Variants in PCDH11Y observed in about 807,000 individuals in gnomAD.
The protein encoded by PCDH11Y is protocadherin-11 Y-linked.
For missense variants in PCDH11Y, 12 were observed against 224.8 expected (o/e 0.05, Z 6.05); for synonymous variants, 9 against 83.6 (o/e 0.11, Z 4.87).
intron 2 of PCDH11Y, among the ~76,000 whole-genome samples, chrY:5,343,365 T>C: frequency 2.1e-4 from 6 of 29,266 alleles, no homozygotes; most frequent in Admixed American, 6.4e-4. Context: ...GCCATTCTCC[T>C]GCCTCAGCCT....
intron 3 of PCDH11Y, among the ~76,000 whole-genome samples, chrY:5,525,739 T>G: frequency 3.1e-5 from 1 of 31,984 alleles, no homozygotes; most frequent in Non-Finnish European, 7.6e-5. Context: ...ATGGTATAAT[T>G]TATCTTTTTT....
chrY:5,528,429 G>A (rs2053390005), intron 3 of PCDH11Y, among the ~76,000 whole-genome samples: 4 of 33,227 alleles, frequency 1.2e-4, no homozygotes, highest in African/African-American at 4.7e-4. Flanking sequence ...AGGAGAAACA[G>A]TTAACTTCCT....
In PCDH11Y at chrY:5,469,190, C is replaced by T. The variant is rs200510226; in HGVS notation, c.3130-31867C>T. 0.018 allele frequency among the ~76,000 whole-genome samples: 529 copies of T among 30,083 alleles called. No homozygotes were observed. The East Asian group carries it at 0.46, about 26-fold the overall frequency. The allele number at this position is 30,083 out of a possible 37,273, so 80.7% of individuals were successfully genotyped here. ...CTGTCAGAACTTTGATATTGGACTT[C>T]CCAGACTCAAGAACTGTGAGAAATA... On this transcript the variant is annotated intron_variant, in intron 2 of 4. Coordinates refer to the PCDH11Y transcript ENST00000400457.
chrY:5,655,052 ATCT>A (rs2053534966), intron 4 of PCDH11Y, among the ~76,000 whole-genome samples: 1 of 32,580 alleles, frequency 3.1e-5, no homozygotes. Context: ...CACAAAAATA[ATCT>A]TCTTAAGTCT....
At chrY:5,002,888 C>G in intron 1 of PCDH11Y, 1 of 35,166 alleles carries the variant, frequency 2.8e-5, no homozygotes, top group African/African-American at 1.1e-4. Flanking sequence ...CCTACCAGGC[C>G]GGAGAACCCT....
At chrY:5,003,219 C>T (rs2052534383) in intron 1 of PCDH11Y, among the ~76,000 whole-genome samples, 2 of 35,479 alleles carry the variant, frequency 5.6e-5, no homozygotes, top group Non-Finnish European at 1.4e-4. Context: ...TTCCCTCCTC[C>T]ATTTCCTCCT....
intron 4 of PCDH11Y, among the ~76,000 whole-genome samples, chrY:5,642,314 CT>C (rs2053523730): frequency 3.0e-5 from 1 of 33,832 alleles, no homozygotes; most frequent in South Asian, 6.5e-4. Context: ...ATTTTAATGT[CT>C]TTTCCCCCAG....
chrY:5,368,922 C>T, intron 2 of PCDH11Y, among the ~76,000 whole-genome samples: 1 of 33,243 alleles, frequency 3.0e-5, no homozygotes, highest in Non-Finnish European at 7.4e-5. Flanking sequence ...CATTGGATTT[C>T]GGATTTGCAT....
At chrY:5,452,309 T>A in intron 2 of PCDH11Y, among the ~76,000 whole-genome samples, 1 of 33,960 alleles carries the variant, frequency 2.9e-5, no homozygotes, top group East Asian at 7.8e-4. Flanking sequence ...CCTTTCCACA[T>A]AGAAGATTCT....
At chrY:5,539,625 C>A (rs2053404334) in intron 3 of PCDH11Y, among the ~76,000 whole-genome samples, 1 of 31,913 alleles carries the variant, frequency 3.1e-5, no homozygotes, top group Admixed American at 2.9e-4. Context: ...ATTTAGATGA[C>A]AAAAACAAAG....
chrY:5,169,627 C>T, intron 2 of PCDH11Y, among the ~76,000 whole-genome samples: 1 of 31,897 alleles, frequency 3.1e-5, no homozygotes, highest in Non-Finnish European at 7.8e-5. Flanking sequence ...TTATTTAGTA[C>T]ACTAGGATGT....
At chrY:5,187,634 CA>C (rs2052907625) in intron 2 of PCDH11Y, among the ~76,000 whole-genome samples, 2 of 20,986 alleles carry the variant, frequency 9.5e-5, no homozygotes, top group Non-Finnish European at 2.3e-4. Context: ...TGGGTCCAGC[CA>C]AAAAAAAAAA....
chrY:5,574,369 C>T, intron 3 of PCDH11Y: 3 of 342,760 alleles, frequency 8.8e-6, no homozygotes, highest in Non-Finnish European at 1.3e-5. Flanking sequence ...GACCACCACC[C>T]GCCGGAGAGT....
chrY:5,093,532 G>C, intron 1 of PCDH11Y, among the ~76,000 whole-genome samples: 1 of 32,361 alleles, frequency 3.1e-5, no homozygotes, highest in Admixed American at 2.8e-4. Flanking sequence ...CAGATGTAGG[G>C]TTTTGCATCT....
chrY:5,037,178 A>AT (rs2052599825), intron 3 of PCDH11Y: 1 of 78,555 alleles, frequency 1.3e-5, no homozygotes. Flanking sequence ...ATATTAGGTA[A>AT]TATCTTACTC....
chrY:5,062,812 A>C, intron 1 of PCDH11Y, among the ~76,000 whole-genome samples: 1 of 32,976 alleles, frequency 3.0e-5, no homozygotes, highest in African/African-American at 1.2e-4. Flanking sequence ...TGAAGAACAA[A>C]TGTGTTCCCA....
At chrY:5,586,520 T>G in intron 4 of PCDH11Y, among the ~76,000 whole-genome samples, 1 of 28,207 alleles carries the variant, frequency 3.5e-5, no homozygotes, top group East Asian at 9.0e-4. Flanking sequence ...TTTTTGTTTG[T>G]TTTTTTTTTT....
intron 2 of PCDH11Y, among the ~76,000 whole-genome samples, chrY:5,139,886 G>GA (rs2052846278): frequency 7.1e-5 from 1 of 14,143 alleles, no homozygotes; most frequent in Non-Finnish European, 1.3e-4. Flanking sequence ...CACAGAACCA[G>GA]AAAAAAAATA....
chrY:5,007,876 C>T, intron 1 of PCDH11Y, among the ~76,000 whole-genome samples: 1 of 32,044 alleles, frequency 3.1e-5, no homozygotes, highest in Non-Finnish European at 7.6e-5. Flanking sequence ...TATATGTTGT[C>T]AAAGTTCTGA....
Sources: gnomAD v4.1 joint callset for allele counts (sites outside exome capture counted in the v4.1 genomes callset) on GRCh38, gnomAD v4.1.1 for gene constraint, MANE v1.5 for transcripts, NCBI Gene and HGNC (gene_info 2026-07-23, HGNC 2026-07-21) for gene names.